CMC1: variants seen among roughly 807,000 people sequenced by gnomAD.
The protein encoded by CMC1 is C-X9-C motif containing 1.
CMC1 carries 14 observed loss-of-function variants against 14.1 expected under a neutral mutation model. The ratio of observed to expected loss-of-function variants is 0.99; its 90% confidence interval spans 0.66 to 1.55. The LOEUF (loss-of-function observed/expected upper bound fraction) is 1.55, where lower values mean the gene tolerates loss of function less well. CMC1 is among the 40% of genes most tolerant of loss of function. The pLI is 0.00. For synonymous variants in CMC1, 50 were observed against 38.4 expected, an observed-to-expected ratio of 1.30 and a Z score of -1.12; for missense variants, 127 against 123.8, an observed-to-expected ratio of 1.03 and a Z score of -0.12.
intron 2 of CMC1, among the ~76,000 whole-genome samples, chr3:28,314,792 AAATC>A (rs1286848459): frequency 5.0e-5 from 7 of 138,736 alleles, no homozygotes; most frequent in South Asian, 2.1e-4. Flanking sequence ...TGCATTTAAT[AAATC>A]TCATTTTTGG....
At chr3:28,268,661 A>G (rs1467127791) in intron 2 of CMC1, among the ~76,000 whole-genome samples, 2 of 152,208 alleles carry the variant, frequency 1.3e-5, no homozygotes, top group Non-Finnish European at 2.9e-5. Context: ...CTAAGGGCCA[A>G]TCTTGCAAGC....
chr3:28,253,772 G>A, intron 1 of CMC1: 1 of 1,269,920 alleles, frequency 7.9e-7, no homozygotes, highest in Non-Finnish European at 1.0e-6. Flanking sequence ...GCAAGTAAGT[G>A]TTAACTAGTA....
At chr3:28,289,934 A>C (rs1644908705) in intron 2 of CMC1, among the ~76,000 whole-genome samples, 1 of 152,166 alleles carries the variant, frequency 6.6e-6, no homozygotes, top group South Asian at 2.1e-4. Context: ...TTTTTAGTGG[A>C]ATTTATAAAA....
At chr3:28,264,198 C>T (rs971977268) in intron 2 of CMC1, among the ~76,000 whole-genome samples, 2 of 152,188 alleles carry the variant, frequency 1.3e-5, no homozygotes, top group African/African-American at 4.8e-5. Context: ...TTCACTTTCC[C>T]TGTGGTCATC....
At chr3:28,285,625 A>G (rs1331547460) in intron 2 of CMC1, among the ~76,000 whole-genome samples, 1 of 152,028 alleles carries the variant, frequency 6.6e-6, no homozygotes, top group Non-Finnish European at 1.5e-5. Flanking sequence ...CTTCCTCCCT[A>G]CACAATATAT....
intron 1 of CMC1, among the ~76,000 whole-genome samples, chr3:28,251,681 C>T (rs567613095): frequency 2.0e-5 from 3 of 152,220 alleles, no homozygotes; most frequent in Non-Finnish European, 4.4e-5. Flanking sequence ...TTCTCCTATT[C>T]CATTATCAAA....
chr3:28,311,584 T>G (rs1259653340), intron 2 of CMC1, among the ~76,000 whole-genome samples: 2 of 152,186 alleles, frequency 1.3e-5, no homozygotes, highest in Non-Finnish European at 2.9e-5. Flanking sequence ...CATTGAAAAC[T>G]GAGGGTGACC....
At chr3:28,243,412 G>C (rs1698637934) in intron 1 of CMC1, among the ~76,000 whole-genome samples, 1 of 152,140 alleles carries the variant, frequency 6.6e-6, no homozygotes, top group Admixed American at 6.5e-5. Flanking sequence ...TACGGATGAG[G>C]AGACTGAGAA....
At chr3:28,300,627 C>A (rs867754109) in intron 2 of CMC1, among the ~76,000 whole-genome samples, 7 of 128,560 alleles carry the variant, frequency 5.4e-5, no homozygotes, top group South Asian at 2.9e-4. Flanking sequence ...CCCTCCCTCC[C>A]TCCATCCCTT....
intron 2 of CMC1, among the ~76,000 whole-genome samples, chr3:28,294,019 T>C (rs1382526193): frequency 6.6e-6 from 1 of 152,236 alleles, no homozygotes; most frequent in African/African-American, 2.4e-5. Context: ...AAGAGAATAA[T>C]TGCTATTTTC....
intron 1 of CMC1, among the ~76,000 whole-genome samples, chr3:28,257,174 A>C (rs1381862594): frequency 6.6e-6 from 1 of 152,202 alleles, no homozygotes; most frequent in Non-Finnish European, 1.5e-5. Context: ...ATTGAGGTAA[A>C]ATATACAGTG....
intron 2 of CMC1, among the ~76,000 whole-genome samples, chr3:28,297,528 T>A (rs1220341044): frequency 1.3e-5 from 2 of 152,030 alleles, no homozygotes; most frequent in African/African-American, 4.8e-5. Context: ...GTGACAGCAG[T>A]TTTAATTGGA....
intron 3 of CMC1, chr3:28,318,296 T>C (rs1483779961): frequency 6.6e-6 from 1 of 151,864 alleles, no homozygotes; most frequent in Non-Finnish European, 1.5e-5. Flanking sequence ...TTAAAGACTC[T>C]GATGGGCTGA....
intron 1 of CMC1, among the ~76,000 whole-genome samples, chr3:28,243,398 C>G (rs1276938692): frequency 3.9e-5 from 6 of 152,148 alleles, no homozygotes; most frequent in Non-Finnish European, 5.9e-5. Context: ...TTAAAGTAAT[C>G]TCATACGGAT....
chr3:28,241,897 G>A (rs915561458), intron 1 of CMC1, 85 bp downstream of exon 1: 2 of 1,195,728 alleles, frequency 1.7e-6, no homozygotes, highest in Non-Finnish European at 2.1e-6. Context: ...GCCGACCTGG[G>A]AAAGGTGCAG....
chr3:28,305,842 G>A (rs13070749), intron 2 of CMC1, among the ~76,000 whole-genome samples: 4,092 of 106,142 alleles, frequency 0.039, 97 homozygotes, highest in Non-Finnish European at 0.054. Context: ...GTCTTTCAGC[G>A]ATCTTGAGTT....
intron 2 of CMC1, among the ~76,000 whole-genome samples, chr3:28,283,287 G>T (rs1700989666): frequency 6.6e-6 from 1 of 152,052 alleles, no homozygotes; most frequent in African/African-American, 2.4e-5. Flanking sequence ...GCTGGGGTAG[G>T]CAGATCACTT....
In CMC1 at chr3:28,279,490, A is replaced by T. The variant is rs572460910; in HGVS notation, c.109+16110A>T. 4.6e-4 allele frequency among the ~76,000 whole-genome samples: 70 copies of T among 152,338 alleles called. 1 individual carries two copies. Among genetic ancestry groups the T allele is most frequent in the South Asian group, 1.0e-3 (5 of 4,830 alleles). ...ATTCTGAAAAGAAATCAATGGACTA[A>T]CTTCAAGATAACTCATATGTTGCTA... is the stretch of plus-strand genomic sequence containing the variant. On this transcript the variant is annotated intron_variant, in intron 2 of 3. Coordinates refer to ENST00000466830, the MANE Select transcript of CMC1 (RefSeq NM_182523.2).
chr3:28,247,628 A>G (rs1380074936), intron 1 of CMC1, among the ~76,000 whole-genome samples: 1 of 152,238 alleles, frequency 6.6e-6, no homozygotes, highest in African/African-American at 2.4e-5. Context: ...TACCAGCTCT[A>G]TCCTAAAAAT....
Sources: allele counts gnomAD v4.1 joint callset (sites outside exome capture counted in the v4.1 genomes callset), GRCh38; gene constraint gnomAD v4.1.1; transcripts MANE v1.5; gene names NCBI Gene and HGNC (gene_info 2026-07-23, HGNC 2026-07-21).